Variants in SORL1 observed in about 807,000 individuals in gnomAD.
The protein encoded by SORL1 is sortilin related receptor 1.
A neutral mutation model predicts 273.7 loss-of-function variants in SORL1; 127 were observed. The ratio of observed to expected loss-of-function variants is 0.46; its 90% CI spans 0.40 to 0.54. The LOEUF (loss-of-function observed/expected upper bound fraction) is 0.54, where lower values mean the gene tolerates loss of function less well. SORL1 is among the 20% of genes least tolerant of loss of function. The probability of loss-of-function intolerance (pLI) is 0.00; values close to 1 mark genes in which losing one functional copy is unlikely to be tolerated. For missense variants in SORL1, 2,494 were observed against 2,846.1 expected (o/e 0.88, Z 2.81); for synonymous variants, 1,031 against 1,067.4 (o/e 0.97, Z 0.66).
intron 12 of SORL1, among the ~76,000 whole-genome samples, chr11:121,533,805 A>G (rs1862233663): frequency 6.6e-6 from 1 of 152,116 alleles, no homozygotes; most frequent in Non-Finnish European, 1.5e-5. Flanking sequence ...GAAGCAAAGT[A>G]CTGGTGTTTG....
At chr11:121,492,648 G>T (rs1470166070) in intron 5 of SORL1, among the ~76,000 whole-genome samples, 2 of 152,152 alleles carry the variant, frequency 1.3e-5, no homozygotes, top group South Asian at 2.1e-4. Context: ...GAGAGTGCCA[G>T]ATTTGATATA....
At position 121,632,771 on chromosome 11, in the gene SORL1, T is replaced by G. The variant is rs1185247621; in HGVS notation, c.*3208T>G. ...CAAGTGGTCACTGCATCTAGTAAGATTATATTTCCAGTACACTTCCTTAGG... is the reference window on the plus strand; with the variant it reads ...CAAGTGGTCACTGCATCTAGTAAGAGTATATTTCCAGTACACTTCCTTAGG... On this transcript the variant is annotated 3_prime_UTR_variant, in exon 48 of 48. Transcript: ENST00000260197. 2.0e-5 allele frequency: 3 copies of G among 152,072 alleles called. No homozygotes were observed. Among genetic ancestry groups the G allele is most frequent in the African/African-American group, 7.2e-5 (3 of 41,402 alleles). 9.4% of individuals were successfully genotyped at this position (152,072 alleles called of 1,614,324 possible). A position where few individuals can be genotyped will look rare whatever the true frequency, so the allele number is the denominator to read the frequency against.
intron 5 of SORL1, among the ~76,000 whole-genome samples, chr11:121,495,394 C>T (rs868430115): frequency 4.4e-4 from 67 of 152,010 alleles, no homozygotes; most frequent in African/African-American, 1.6e-3. Flanking sequence ...CTACATCTGG[C>T]AAAAGAGGTT....
At position 121,543,693 on chromosome 11, in the gene SORL1, C is replaced by T; in HGVS notation, c.1831C>T (p.Leu611=). 6.2e-7 allele frequency: 1 copy of T among 1,613,894 alleles called. No homozygotes were observed. The highest frequency in any genetic ancestry group is 8.5e-7 in the Non-Finnish European group (1 of 1,179,934). ...GSNKENVHSW[L]ILQVNATDAL... The stretch of plus-strand genomic sequence containing the variant: ...GAACAAAGAGAATGTCCACAGCTGG[C>T]TGATCCTCCAGGTCAATGCCACGGA... Residue 611 remains leucine (L), a synonymous_variant, in exon 13 of 48, where the codon CTG becomes TTG. Coordinates refer to ENST00000260197, the MANE Select transcript of SORL1 (RefSeq NM_003105.6).
At chr11:121,470,370 G>A (rs1409081334) in intron 2 of SORL1, among the ~76,000 whole-genome samples, 1 of 152,240 alleles carries the variant, frequency 6.6e-6, no homozygotes, top group Admixed American at 6.5e-5. Context: ...CATATGGACT[G>A]GATTGTTGCA....
rs1162824432 is a variant in SORL1 at position 121,514,264 on chromosome 11, C to T, written c.1154C>T (p.Ser385Phe). ...SEAEGLKFSLSLENVLYYSPG... is the reference protein window; with the variant it reads ...SEAEGLKFSLFLENVLYYSPG... ...GCAGAGGGGCTGAAGTTCTCCCTGTCCTTGGAGAACGTGCTCTATTACAGC... is the reference window on the plus strand; with the variant it reads ...GCAGAGGGGCTGAAGTTCTCCCTGTTCTTGGAGAACGTGCTCTATTACAGC... Residue 385 changes from serine (S) to phenylalanine (F), a missense_variant, in exon 8 of 48, where the codon TCC becomes TTC. Physicochemically the swap from Ser to Phe is radical, Grantham distance 155. Transcript: ENST00000260197. 6.2e-7 allele frequency: 1 copy of T among 1,614,188 alleles called. No individual in the cohort carries two copies. Among genetic ancestry groups the T allele is most frequent in the Admixed American group, 1.7e-5 (1 of 60,032 alleles).
chr11:121,587,922 C>T, intron 27 of SORL1, 98 bp from the exon 28 acceptor site: 1 of 1,444,232 alleles, frequency 6.9e-7, no homozygotes, highest in Non-Finnish European at 9.5e-7. Context: ...CTGTTGCTTC[C>T]TGAAGCCACA....
chr11:121,587,893 C>A, intron 27 of SORL1, 127 bp from the exon 28 acceptor site: 1 of 1,067,972 alleles, frequency 9.4e-7, no homozygotes, highest in Non-Finnish European at 1.4e-6. Context: ...AACAAGTGCT[C>A]AATAAATTGT....
intron 11 of SORL1, among the ~76,000 whole-genome samples, chr11:121,526,092 T>C (rs1379998194): frequency 6.6e-6 from 1 of 152,208 alleles, no homozygotes; most frequent in East Asian, 1.9e-4. Flanking sequence ...TTCTTTGAGT[T>C]GTAGGAGTTT....
Position 121,452,996 on chromosome 11 carries a change from A to G in SORL1, c.285+380A>G, listed in dbSNP as rs1425540120. ...GGCGAGCACCCTGCAGTTGCGGTAC[A>G]CTTACACAGAACAGCACGAGGTGGG... On this transcript the variant is annotated intron_variant, in intron 1 of 47. Coordinates refer to ENST00000260197, the MANE Select transcript of SORL1 (RefSeq NM_003105.6). The surrounding 1 kb of genome is among the most constrained non-coding windows in gnomAD (Gnocchi z 5.3). 4 of 192,214 alleles carry G rather than the reference A, an allele frequency of 2.1e-5. No individual in the cohort carries two copies. The highest frequency in any genetic ancestry group is 9.3e-5 in the African/African-American group (4 of 43,056). The allele number at this position is 192,214 out of a possible 1,614,324, so 11.9% of individuals were successfully genotyped here. A position where few individuals can be genotyped will look rare whatever the true frequency, so the allele number is the denominator to read the frequency against.
chr11:121,481,433 G>A (rs1174047311), intron 3 of SORL1, among the ~76,000 whole-genome samples: 3 of 117,108 alleles, frequency 2.6e-5, no homozygotes, highest in Admixed American at 8.1e-5. Flanking sequence ...CTCTCCTAGT[G>A]CACAGATACC....
At chr11:121,615,085 T>C in intron 41 of SORL1, 30 bp downstream of exon 41, 1 of 1,569,156 alleles carries the variant, frequency 6.4e-7, no homozygotes, top group African/African-American at 1.4e-5. Context: ...CATCACAAAG[T>C]GAGTGTGGAC....
chr11:121,539,722 CCAGAAAACATAA>C (rs904382575), intron 12 of SORL1, among the ~76,000 whole-genome samples: 1 of 151,604 alleles, frequency 6.6e-6, no homozygotes, highest in Non-Finnish European at 1.5e-5. Context: ...TTCCAATCAG[CCAGAAAACATAA>C]AGTATTTTCA....
intron 6 of SORL1, among the ~76,000 whole-genome samples, chr11:121,511,506 T>A (rs562892226): frequency 1.3e-5 from 2 of 152,378 alleles, no homozygotes; most frequent in Non-Finnish European, 2.9e-5. Flanking sequence ...TTTTGGAATT[T>A]ATATGTAACA....
chr11:121,483,689 C>G (rs567737695), intron 3 of SORL1, among the ~76,000 whole-genome samples: 4 of 152,114 alleles, frequency 2.6e-5, no homozygotes, highest in South Asian at 4.1e-4. Context: ...GTAGGTTTGG[C>G]CTCCAGTAAA....
At chr11:121,539,759 T>G (rs1862319681) in intron 12 of SORL1, among the ~76,000 whole-genome samples, 1 of 152,198 alleles carries the variant, frequency 6.6e-6, no homozygotes, top group South Asian at 2.1e-4. Context: ...AAAGTTCTAG[T>G]AAAGATAGGA....
intron 11 of SORL1, among the ~76,000 whole-genome samples, chr11:121,523,459 C>T (rs567154143): frequency 6.6e-6 from 1 of 152,234 alleles, no homozygotes; most frequent in South Asian, 2.1e-4. Context: ...ACTTTCGTCT[C>T]ACTCTGTGCT....
intron 32 of SORL1, among the ~76,000 whole-genome samples, chr11:121,597,730 G>A (rs1863320033): frequency 6.6e-6 from 1 of 152,210 alleles, no homozygotes; most frequent in South Asian, 2.1e-4. Context: ...AAAGTGCTGG[G>A]ATTACAGGCC....
At chr11:121,572,844 CCT>C (rs1454411564) in intron 23 of SORL1, among the ~76,000 whole-genome samples, 1 of 152,108 alleles carries the variant, frequency 6.6e-6, no homozygotes, top group Non-Finnish European at 1.5e-5. Flanking sequence ...GCATTCATCC[CCT>C]GCCTCCCACC....
Sources: allele counts gnomAD v4.1 joint callset (sites outside exome capture counted in the v4.1 genomes callset), GRCh38; gene constraint gnomAD v4.1.1; non-coding constraint Gnocchi (gnomAD v3.1); transcripts MANE v1.5; gene names NCBI Gene and HGNC (gene_info 2026-07-23, HGNC 2026-07-21).